Variants in ROR1 observed in about 807,000 individuals in gnomAD.
ROR1 encodes the protein inactive tyrosine-protein kinase transmembrane receptor ROR1.
ROR1 carries 19 observed loss-of-function variants against 78.8 expected under a neutral mutation model. The observed-to-expected ratio is 0.24, with a 90% confidence interval of 0.17 to 0.35. The LOEUF (loss-of-function observed/expected upper bound fraction) is 0.35, where lower values mean the gene tolerates loss of function less well. ROR1 is among the 10% of genes least tolerant of loss of function. The pLI is 1.00. For missense variants in ROR1, 917 were observed against 1,177.8 expected (o/e 0.78, Z 3.24); for synonymous variants, 386 against 433.6 (o/e 0.89, Z 1.36).
chr1:64,047,807 T>C (rs115242148), intron 2 of ROR1, among the ~76,000 whole-genome samples: 54 of 152,274 alleles, frequency 3.5e-4, no homozygotes, highest in African/African-American at 1.3e-3. Flanking sequence ...AAGATAGAGA[T>C]CAAAATATAA....
At chr1:63,809,921 T>C (rs1242252732) in intron 1 of ROR1, among the ~76,000 whole-genome samples, 1 of 152,332 alleles carries the variant, frequency 6.6e-6, no homozygotes, top group African/African-American at 2.4e-5. Context: ...AATTCAATTC[T>C]GTGGAACTCA....
intron 1 of ROR1, among the ~76,000 whole-genome samples, chr1:63,855,815 ATTT>A (rs34479737): frequency 1.4e-5 from 2 of 147,936 alleles, no homozygotes; most frequent in South Asian, 2.2e-4. Context: ...CGCCCCACTA[ATTT>A]TTTTTTTTTT....
intron 1 of ROR1, among the ~76,000 whole-genome samples, chr1:63,780,795 T>C (rs376990340): frequency 1.3e-5 from 2 of 152,168 alleles, no homozygotes; most frequent in East Asian, 3.9e-4. Flanking sequence ...AGCAAGCTCT[T>C]TGGGGAAGAG....
chr1:63,956,613 G>A (rs755016343), intron 1 of ROR1, among the ~76,000 whole-genome samples: 6 of 152,100 alleles, frequency 3.9e-5, no homozygotes, highest in Non-Finnish European at 5.9e-5. Flanking sequence ...CTTAATACTG[G>A]CATTGATTTA....
intron 1 of ROR1, among the ~76,000 whole-genome samples, chr1:63,930,963 A>G (rs1645746575): frequency 6.6e-6 from 1 of 152,222 alleles, no homozygotes. Flanking sequence ...TCTCAATATC[A>G]GTACTCAAGA....
Position 64,076,070 on chromosome 1 carries a change from G to GC in ROR1, c.482+25354_482+25355insC, listed in dbSNP as rs1262339468. On this transcript the variant is annotated intron_variant, in intron 4 of 8. Coordinates refer to ENST00000371079, the MANE Select transcript of ROR1 (RefSeq NM_005012.4). The stretch of plus-strand genomic sequence containing the variant: ...AGTTCTCCTACCCTTCTTGCTGACA[G>GC]AGGAAGAAGAATCCCACTACCTTTT... 2.1e-3 allele frequency among the ~76,000 whole-genome samples: 314 copies of GC among 152,340 alleles called. 2 individuals carry two copies. The highest frequency in any genetic ancestry group is 7.4e-3 in the African/African-American group (308 of 41,566).
At chr1:64,049,054 T>TA in intron 2 of ROR1, among the ~76,000 whole-genome samples, 1 of 152,314 alleles carries the variant, frequency 6.6e-6, no homozygotes. Context: ...AATCTATATA[T>TA]ATGTGATCAA....
chr1:63,865,030 A>T (rs746597272), intron 1 of ROR1, among the ~76,000 whole-genome samples: 32 of 152,114 alleles, frequency 2.1e-4, no homozygotes, highest in Non-Finnish European at 4.3e-4. Context: ...AGAATGTTTC[A>T]CTATATACAA....
intron 1 of ROR1, among the ~76,000 whole-genome samples, chr1:63,789,734 C>A (rs958050232): frequency 7.9e-6 from 1 of 126,150 alleles, no homozygotes; most frequent in Admixed American, 8.6e-5. Flanking sequence ...TTTGGGATTA[C>A]TTATTTATAT....
intron 1 of ROR1, among the ~76,000 whole-genome samples, chr1:63,964,287 CTG>C (rs1646056210): frequency 1.3e-5 from 2 of 152,328 alleles, no homozygotes; most frequent in South Asian, 4.1e-4. Flanking sequence ...CCAAACTGCA[CTG>C]TGTTTCTATA....
chr1:64,068,572 A>G (rs944737070), intron 4 of ROR1, among the ~76,000 whole-genome samples: 1 of 152,204 alleles, frequency 6.6e-6, no homozygotes, highest in African/African-American at 2.4e-5. Flanking sequence ...GACTGTATCC[A>G]TGATACCTTA....
At chr1:63,838,737 T>C (rs1645033034) in intron 1 of ROR1, among the ~76,000 whole-genome samples, 1 of 152,170 alleles carries the variant, frequency 6.6e-6, no homozygotes, top group South Asian at 2.1e-4. Context: ...TAGTGTATAG[T>C]AATGTCCTAG....
At chr1:64,137,305 A>T in intron 4 of ROR1, 64 bp from the exon 5 acceptor site, 1 of 1,588,112 alleles carries the variant, frequency 6.3e-7, no homozygotes. Flanking sequence ...TCGCGCAGTC[A>T]GAGCTTGCTG....
At chr1:64,139,146 G>A (rs1413131533) in intron 5 of ROR1, among the ~76,000 whole-genome samples, 6 of 121,668 alleles carry the variant, frequency 4.9e-5, no homozygotes, top group Non-Finnish European at 7.9e-5. Context: ...CAGCCTGGGC[G>A]ACAGAGTGAG....
At chr1:64,058,691 G>C (rs1646893856) in intron 4 of ROR1, among the ~76,000 whole-genome samples, 1 of 151,264 alleles carries the variant, frequency 6.6e-6, no homozygotes, top group African/African-American at 2.4e-5. Flanking sequence ...TTCCTACTTG[G>C]CCATGGTATA....
intron 1 of ROR1, chr1:63,789,151 G>C: frequency 1.7e-6 from 1 of 593,680 alleles, no homozygotes; most frequent in Non-Finnish European, 3.3e-6. Flanking sequence ...ATTGGCTTGC[G>C]GATCATCAGC....
intron 1 of ROR1, among the ~76,000 whole-genome samples, chr1:63,888,825 A>G (rs567677042): frequency 6.6e-6 from 1 of 152,292 alleles, no homozygotes; most frequent in South Asian, 2.1e-4. Flanking sequence ...TCAGCATTTG[A>G]CATATATTAT....
At chr1:64,041,130 A>G (rs1341306037) in intron 2 of ROR1, among the ~76,000 whole-genome samples, 1 of 152,196 alleles carries the variant, frequency 6.6e-6, no homozygotes, top group African/African-American at 2.4e-5. Context: ...TGTACAGTCT[A>G]GCTATGCTAA....
At position 64,158,989 on chromosome 1, in the gene ROR1, G is replaced by C; in HGVS notation, c.1183G>C (p.Asp395His). The change falls in exon 8 of 9, where the codon GAT becomes CAT. Residue 395 changes from aspartate (D) to histidine (H), a missense_variant. Physicochemically the swap from Asp to His is moderately conservative, Grantham distance 81 (BLOSUM62 -1). Coordinates refer to ENST00000371079, the MANE Select transcript of ROR1 (RefSeq NM_005012.4). ...TTCATTTCTGCACCCAGATTCAAAG[G>C]ATTCCAAGGAGAAGAATAAAATGGA... ...LCDIPACDSK[D>H]SKEKNKMEIL... 3 of 1,613,696 alleles carry C rather than the reference G, an allele frequency of 1.9e-6. No homozygotes were observed. The highest frequency in any genetic ancestry group is 2.5e-6 in the Non-Finnish European group (3 of 1,179,650).
Sources: gnomAD v4.1 joint callset for allele counts (sites outside exome capture counted in the v4.1 genomes callset) on GRCh38, gnomAD v4.1.1 for gene constraint, MANE v1.5 for transcripts, NCBI Gene and HGNC (gene_info 2026-07-23, HGNC 2026-07-21) for gene names.